The following CEP131 variants were observed in gnomAD, a reference collection of about 807,000 sequenced individuals.
CEP131 encodes centrosomal protein of 131 kDa.
A neutral mutation model predicts 136.8 loss-of-function variants in CEP131; 99 were observed. The ratio of observed to expected loss-of-function variants is 0.72; its 90% CI spans 0.62 to 0.86. The LOEUF is 0.86. Among genes scored for constraint, CEP131 ranks in the 40% least tolerant of loss-of-function variants. The pLI, the probability that CEP131 is intolerant of heterozygous loss-of-function variation, is 0.00. For synonymous variants in CEP131, 646 were observed against 612.7 expected (o/e 1.05, Z -0.80); for missense variants, 1,459 against 1,463.0 (o/e 1.00, Z 0.04).
In CEP131 at chr17:81,219,793, T is replaced by C; in HGVS notation, c.177+87A>G. ...TCCAGATGTGAGGCACTTGTTCACC[T>C]GTGGAGCTGGACCCAGGGGTCAGAT... On this transcript the variant is annotated intron_variant, in intron 2 of 25. Coordinates refer to ENST00000450824, the MANE Select transcript of CEP131 (RefSeq NM_014984.4). This position sits in a 1 kb window ranked among gnomAD's most constrained non-coding sequence, Gnocchi z 4.0. 7.3e-7 allele frequency: 1 copy of C among 1,366,234 alleles called. No individual in the cohort carries two copies. The highest frequency in any genetic ancestry group is 9.8e-7 in the Non-Finnish European group (1 of 1,024,388). The allele number at this position is 1,366,234 out of a possible 1,614,324, so 84.6% of individuals were successfully genotyped here.
At chr17:81,206,477 G>A (rs1598301893) in intron 5 of CEP131, among the ~76,000 whole-genome samples, 1 of 152,064 alleles carries the variant, frequency 6.6e-6, no homozygotes, top group Admixed American at 6.6e-5. Flanking sequence ...CCCTCCCCAG[G>A]CCCCACCCTC....
intron 24 of CEP131, 59 bp downstream of exon 24, chr17:81,190,580 G>A (rs1263923751): frequency 4.8e-6 from 7 of 1,464,776 alleles, no homozygotes; most frequent in Middle Eastern, 2.5e-4. Context: ...GAGCTGCAGA[G>A]GTCCTGCCCG....
chr17:81,200,882 G>C (rs994422594), intron 7 of CEP131, among the ~76,000 whole-genome samples: 7 of 152,204 alleles, frequency 4.6e-5, no homozygotes, highest in African/African-American at 1.7e-4. Flanking sequence ...GCAGGGCTAT[G>C]AGGGAACAGA....
chr17:81,202,685 G>C (rs1380235901), intron 6 of CEP131, among the ~76,000 whole-genome samples: 1 of 152,176 alleles, frequency 6.6e-6, no homozygotes, highest in Non-Finnish European at 1.5e-5. Flanking sequence ...TGAGAGGCTG[G>C]GTGCCCTGGC....
In CEP131 at chr17:81,194,876, C is replaced by T. The variant is rs1424994567; in HGVS notation, c.2113G>A (p.Val705Ile). Residue 705 changes from valine to isoleucine, a missense_variant, in exon 17 of 26, where the codon GTC (valine) becomes ATC (isoleucine). Around this residue, in one of 3 missense-constraint regions of CEP131, gnomAD observed 1,026 missense variants for 964.2 expected, o/e 1.06. Coordinates refer to ENST00000450824, the MANE Select transcript of CEP131 (RefSeq NM_014984.4). ...ATGGGAGGGGAGGGCCCACCTCGGA[C>T]AGTGACCTCCTTGATCTTCTTGGTT... ...EKTKKIKEVT[V>I]RGLEPEIQKL... is the part of the protein sequence containing the mutation. The T allele has an allele frequency of 1.2e-6, 2 of 1,613,266 alleles. No individual in the cohort carries two copies. Among genetic ancestry groups the T allele is most frequent in the Non-Finnish European group, 1.7e-6 (2 of 1,179,888 alleles).
Position 81,193,974 on chromosome 17 carries a change from C to T in CEP131, c.2273G>A (p.Arg758Gln), listed in dbSNP as rs574040845. The change falls in exon 18 of 26, where the codon CGG (arginine) becomes CAG (glutamine). Residue 758 changes from arginine to glutamine, a missense_variant. Around this residue, in one of 3 missense-constraint regions of CEP131, gnomAD observed 1,026 missense variants for 964.2 expected, o/e 1.06. Transcript: ENST00000450824. The part of the protein sequence containing the change: ...QAEELREQLE[R>Q]EKEALGQQER... ...CTGCTGGCCCAGCGCCTCCTTCTCC[C>T]GCTCCAGCTGCTCCCGCAGCTCCTC... 68 of 1,545,856 alleles carry T rather than the reference C, an allele frequency of 4.4e-5. No individual in the cohort carries two copies. Among genetic ancestry groups the T allele is most frequent in the South Asian group, 1.1e-4 (9 of 83,298 alleles).
At position 81,193,932 on chromosome 17, in the gene CEP131, C is replaced by T. The variant is rs754906352; in HGVS notation, c.2315G>A (p.Arg772Gln). The T allele has an allele frequency of 1.3e-5, 20 of 1,535,120 alleles. No homozygotes were observed. The highest frequency in any genetic ancestry group is 2.5e-5 in the East Asian group (1 of 40,670). ...ALGQQERERA[R>Q]QRFQQHLEQE... ...GCCTGGGGCCACCACCCACCGCTGC[C>T]GAGCACGTTCGCGCTCCTGCTGGCC... The change falls in exon 18 of 26, where the codon CGG (arginine) becomes CAG (glutamine). Residue 772 changes from arginine (R) to glutamine (Q), a missense_variant. Physicochemically the swap from Arg to Gln is conservative, Grantham distance 43 (BLOSUM62 1). Transcript: ENST00000450824.
chr17:81,194,835 C>A (rs749803404), intron 17 of CEP131, 35 bp downstream of exon 17: 9 of 1,570,168 alleles, frequency 5.7e-6, no homozygotes, highest in African/African-American at 1.4e-5. Flanking sequence ...GCACCCACCC[C>A]ACACCTGGCC....
chr17:81,191,063 C>T lies in CEP131; in HGVS notation c.2787G>A (p.Lys929=), dbSNP rs904045040. ...CCAGCTCGGAGAGCTCGGCCTCGTA[C>T]TTGTCCCGTAAGCGCTTGATGCTGG... is the stretch of plus-strand genomic sequence containing the variant. ...AESRIKRLRD[K]YEAELSELEQ... is the part of the protein sequence containing the mutation. Residue 929 remains lysine, a synonymous_variant, in exon 23 of 26, where the codon AAG becomes AAA. Coordinates refer to ENST00000450824, the MANE Select transcript of CEP131 (RefSeq NM_014984.4). The T allele has an allele frequency of 6.2e-7, 1 of 1,606,902 alleles. No individual in the cohort carries two copies. The highest frequency in any genetic ancestry group is 1.1e-5 in the South Asian group (1 of 90,666).
chr17:81,221,954 G>A (rs2062398287), intron 1 of CEP131, among the ~76,000 whole-genome samples: 1 of 152,198 alleles, frequency 6.6e-6, no homozygotes, highest in Admixed American at 6.5e-5. Flanking sequence ...TCCACGGAGC[G>A]ATGGATACCC....
chr17:81,199,124 G>A (rs1248868665), intron 10 of CEP131, among the ~76,000 whole-genome samples, 153 bp from the exon 11 acceptor site: 1 of 152,208 alleles, frequency 6.6e-6, no homozygotes, highest in Non-Finnish European at 1.5e-5. Flanking sequence ...TCTGGGTGTG[G>A]AGCTGTGGAG....
At chr17:81,205,568 T>C (rs2061992777) in intron 5 of CEP131, among the ~76,000 whole-genome samples, 1 of 151,668 alleles carries the variant, frequency 6.6e-6, no homozygotes, top group African/African-American at 2.4e-5. Flanking sequence ...TTTGACATTT[T>C]GGCTGTGTAT....
At chr17:81,212,555 G>A (rs1213347079) in intron 2 of CEP131, among the ~76,000 whole-genome samples, 5 of 149,850 alleles carry the variant, frequency 3.3e-5, no homozygotes, top group African/African-American at 1.2e-4. Context: ...CTGTGCAGAG[G>A]GGCTGTCCCG....
intron 5 of CEP131, among the ~76,000 whole-genome samples, chr17:81,205,278 CA>C (rs1335323415): frequency 6.7e-6 from 1 of 149,196 alleles, no homozygotes; most frequent in African/African-American, 2.5e-5. Flanking sequence ...AACAAACAAA[CA>C]AAAAAACACC....
rs142080609 is a variant in CEP131 at position 81,222,804 on chromosome 17, T to A, written c.-53A>T. On this transcript the variant is annotated 5_prime_UTR_variant, in exon 1 of 26. Transcript: ENST00000450824. ...CGGGGGCGCAGCCGCGAAGCCTGCC[T>A]GGCGCGCGGGGCCTGCAGATTCGGC... 1,398 of 152,332 alleles carry A rather than the reference T, an allele frequency of 9.2e-3. 12 individuals are homozygous for A. The highest frequency in any genetic ancestry group is 0.015 in the Non-Finnish European group (1,004 of 68,048). 9.4% of individuals were successfully genotyped at this position (152,332 alleles called of 1,614,324 possible).
rs1054288119 is a variant in CEP131 at position 81,203,757 on chromosome 17, C to A, written c.516-150G>T. On this transcript the variant is annotated intron_variant, in intron 5 of 25. Coordinates refer to ENST00000450824, the MANE Select transcript of CEP131 (RefSeq NM_014984.4). This position sits in a 1 kb window ranked among gnomAD's most constrained non-coding sequence, Gnocchi z 4.6. ...AGCATTGTCGTCCAGTGTCCCCAGGCCCCTTCCACAGCCTGCGCCCTGATG... is the reference window on the plus strand; with the variant it reads ...AGCATTGTCGTCCAGTGTCCCCAGGACCCTTCCACAGCCTGCGCCCTGATG... The A allele has an allele frequency of 4.9e-5, 31 of 628,544 alleles. No individual in the cohort carries two copies. The Admixed American group carries it at 6.9e-4, about 14-fold the overall frequency. 38.9% of individuals were successfully genotyped at this position (628,544 alleles called of 1,614,324 possible). A position where few individuals can be genotyped will look rare whatever the true frequency, so the allele number is the denominator to read the frequency against.
At chr17:81,205,624 T>C (rs906060497) in intron 5 of CEP131, among the ~76,000 whole-genome samples, 9 of 152,006 alleles carry the variant, frequency 5.9e-5, no homozygotes, top group Non-Finnish European at 1.2e-4. Flanking sequence ...GGACCAGGTG[T>C]GGGGGCTCAA....
rs905680438 is a variant in CEP131 at position 81,215,684 on chromosome 17, T to G, written c.177+4196A>C. ...ACCTCGGCGTCCCAAAGTGCTGGGATTACAGGCACGGGCCACCGCACCTGG... is the reference window on the plus strand; with the variant it reads ...ACCTCGGCGTCCCAAAGTGCTGGGAGTACAGGCACGGGCCACCGCACCTGG... On this transcript the variant is annotated intron_variant, in intron 2 of 25. Coordinates refer to ENST00000450824, the MANE Select transcript of CEP131 (RefSeq NM_014984.4). The surrounding 1 kb of genome is among the most constrained non-coding windows in gnomAD (Gnocchi z 4.1). Among the ~76,000 whole-genome samples the G allele has an allele frequency of 6.6e-6, 1 of 151,546 alleles. No individual in the cohort carries two copies. The highest frequency in any genetic ancestry group is 2.1e-4 in the South Asian group (1 of 4,718).
At position 81,191,355 on chromosome 17, in the gene CEP131, C is replaced by T. The variant is rs2146482303; in HGVS notation, c.2623-20G>A. The T allele has an allele frequency of 1.2e-6, 2 of 1,612,160 alleles. No homozygotes were observed. Among genetic ancestry groups the T allele is most frequent in the Non-Finnish European group, 1.7e-6 (2 of 1,179,504 alleles). On this transcript the variant is annotated intron_variant, in intron 21 of 25. Transcript: ENST00000450824. ...CGCCTCCTGGGGGGACATGCGCTGC[C>T]TGGGGGTTGCCACCCGGAGCCGGCC...
Sources: gnomAD v4.1 joint callset for allele counts (sites outside exome capture counted in the v4.1 genomes callset) on GRCh38, gnomAD v4.1.1 for gene constraint, gnomAD v4.1.1 regional missense constraint, Gnocchi (gnomAD v3.1) non-coding constraint, MANE v1.5 for transcripts, NCBI Gene and HGNC (gene_info 2026-07-23, HGNC 2026-07-21) for gene names.